Variants in CFAP44 observed in about 807,000 individuals in gnomAD.
CFAP44 encodes cilia and flagella associated protein 44.
A neutral mutation model predicts 216.2 loss-of-function variants in CFAP44; 134 were observed. That is an observed-to-expected ratio of 0.62 (90% CI 0.54 to 0.72). The LOEUF (loss-of-function observed/expected upper bound fraction) is 0.72. Ranked by LOEUF, CFAP44 falls within the 30% of genes least tolerant of loss-of-function variation. The pLI is 0.00. For missense variants in CFAP44, 2,035 were observed against 2,182.1 expected (o/e 0.93, Z 1.34); for synonymous variants, 700 against 727.6 (o/e 0.96, Z 0.61).
intron 33 of CFAP44, 69 bp from the exon 34 acceptor site, chr3:113,294,890 A>G: frequency 6.9e-7 from 1 of 1,446,532 alleles, no homozygotes; most frequent in South Asian, 1.5e-5. Context: ...ATGAGTGTCC[A>G]GATTTGGTCA....
chr3:113,359,952 C>T (rs1249900445), intron 21 of CFAP44, among the ~76,000 whole-genome samples: 1 of 151,990 alleles, frequency 6.6e-6, no homozygotes, highest in East Asian at 1.9e-4. Context: ...TTCAACAGAT[C>T]TGATAAATTA....
At chr3:113,426,032 G>C in intron 4 of CFAP44, 92 bp downstream of exon 4, 1 of 1,445,944 alleles carries the variant, frequency 6.9e-7, no homozygotes, top group Non-Finnish European at 9.4e-7. Context: ...CAGGTGGGAA[G>C]GCACATTTGG....
At chr3:113,372,125 C>CAT (rs1340229912) in intron 18 of CFAP44, among the ~76,000 whole-genome samples, 3 of 152,118 alleles carry the variant, frequency 2.0e-5, no homozygotes, top group African/African-American at 7.2e-5. Context: ...TTTTACACTG[C>CAT]TGGTGGGAAT....
chr3:113,306,372 T>C (rs192811375), intron 29 of CFAP44, 41 bp from the exon 30 acceptor site: 62 of 1,523,546 alleles, frequency 4.1e-5, no homozygotes, highest in Middle Eastern at 3.4e-4. Flanking sequence ...TCATTTGTTA[T>C]GGAATGTGGT....
In CFAP44 at chr3:113,430,804, A is replaced by G. The variant is rs528540540; in HGVS notation, c.100+2761T>C. On this transcript the variant is annotated intron_variant, in intron 2 of 34. Coordinates refer to ENST00000393845, the MANE Select transcript of CFAP44 (RefSeq NM_001164496.2). The stretch of plus-strand genomic sequence containing the variant: ...AGAAATAATACCAATTCTACACAAA[A>G]TATTTTTGAAAATAGAAAAGAACAA... 1.6e-4 allele frequency among the ~76,000 whole-genome samples: 24 copies of G among 152,292 alleles called. No homozygotes were observed. In the East Asian group the frequency reaches 2.9e-3, roughly 18 times the overall value.
intron 24 of CFAP44, among the ~76,000 whole-genome samples, chr3:113,335,382 C>G (rs1207331890): frequency 1.3e-5 from 2 of 152,144 alleles, no homozygotes; most frequent in Non-Finnish European, 2.9e-5. Context: ...GATCAGAGTA[C>G]AGGGAGGCCA....
At chr3:113,441,053 T>C (rs1279834439) in intron 1 of CFAP44, among the ~76,000 whole-genome samples, 1 of 152,230 alleles carries the variant, frequency 6.6e-6, no homozygotes, top group Non-Finnish European at 1.5e-5. Flanking sequence ...CCTTTCTTTC[T>C]GGAGATGAGG....
intron 15 of CFAP44, among the ~76,000 whole-genome samples, chr3:113,383,550 T>C (rs1052603564): frequency 4.6e-5 from 7 of 152,064 alleles, no homozygotes; most frequent in Non-Finnish European, 1.0e-4. Flanking sequence ...CATAGTATTA[T>C]TGAAATAAAG....
At position 113,381,503 on chromosome 3, in the gene CFAP44, T is replaced by G. The variant is rs138938038; in HGVS notation, c.1891-443A>C. Among the ~76,000 whole-genome samples the G allele has an allele frequency of 1.9e-3, 289 of 152,312 alleles. 2 individuals carry two copies. Among genetic ancestry groups the G allele is most frequent in the African/African-American group, 5.7e-3 (236 of 41,564 alleles). On this transcript the variant is annotated intron_variant, in intron 15 of 34. Coordinates refer to ENST00000393845, the MANE Select transcript of CFAP44 (RefSeq NM_001164496.2). ...GGCTCATCCTCTATCTGTCTCAGTT[T>G]AACAAACGTGGATGTTCCCAAGGTT...
Position 113,396,543 on chromosome 3 carries a change from C to A in CFAP44, c.1754G>T (p.Arg585Leu). The A allele has an allele frequency of 6.2e-7, 1 of 1,614,090 alleles. No individual in the cohort carries two copies. Among genetic ancestry groups the A allele is most frequent in the African/African-American group, 1.3e-5 (1 of 75,046 alleles). Reference protein sequence around the residue: ...TACVTALAYERDGEILATGSK... With the variant: ...TACVTALAYELDGEILATGSK... ...CCCTGTGGCTAGAATTTCCCCATCA[C>A]GTTCATAAGCTAAAGCAGTGACACA... Residue 585 changes from arginine (R) to leucine (L), a missense_variant, in exon 14 of 35, where the codon CGT becomes CTT. Physicochemically the swap from Arg to Leu is moderately radical, Grantham distance 102. This residue lies in a region of CFAP44 where 1,883 missense variants were observed against 2,023.7 expected (regional missense o/e 0.93). Transcript: ENST00000393845.
chr3:113,434,878 C>T (rs542305499), intron 1 of CFAP44: 4 of 152,270 alleles, frequency 2.6e-5, no homozygotes, highest in East Asian at 1.9e-4. Context: ...GACTGGTATG[C>T]CTAAAGCAGA....
At chr3:113,372,883 C>T (rs1430983012) in intron 18 of CFAP44, among the ~76,000 whole-genome samples, 1 of 152,184 alleles carries the variant, frequency 6.6e-6, no homozygotes, top group Non-Finnish European at 1.5e-5. Flanking sequence ...GATCTTGGAA[C>T]TCTAGCCTCC....
Position 113,403,839 on chromosome 3 carries a change from C to T in CFAP44, c.1170+13G>A, listed in dbSNP as rs1486132741. On this transcript the variant is annotated intron_variant, in intron 9 of 34. Coordinates refer to ENST00000393845, the MANE Select transcript of CFAP44 (RefSeq NM_001164496.2). ...AACGTGGGTGCTACCATCCAAGTAT[C>T]GAGAAAACTTACCCTAACATATCCA... The T allele has an allele frequency of 3.1e-6, 5 of 1,608,608 alleles. No homozygotes were observed. Among genetic ancestry groups the T allele is most frequent in the South Asian group, 1.1e-5 (1 of 90,146 alleles).
At chr3:113,336,161 A>C (rs942424426) in intron 24 of CFAP44, among the ~76,000 whole-genome samples, 1 of 152,164 alleles carries the variant, frequency 6.6e-6, no homozygotes, top group African/African-American at 2.4e-5. Flanking sequence ...ATTAAGAAGC[A>C]AGAAACTAAA....
chr3:113,293,423 A>G (rs936393591), intron 34 of CFAP44, among the ~76,000 whole-genome samples: 1 of 148,302 alleles, frequency 6.7e-6, no homozygotes, highest in Non-Finnish European at 1.5e-5. Flanking sequence ...TCTGAGCTTT[A>G]GAAAGTACTG....
At position 113,379,489 on chromosome 3, in the gene CFAP44, T is replaced by C. The variant is rs1473006843; in HGVS notation, c.2115A>G (p.Glu705=). The change falls in exon 17 of 35, where the codon GAA becomes GAG. Residue 705 remains glutamate (E), a synonymous_variant. Transcript: ENST00000393845. ...QRELKEKIRE[E]RRNKLAAEMG... Reference sequence around the variant, plus strand: ...TCTCTGCTGCTAGCTTGTTCCTCCTTTCTTCCCTTATTTTCTCCTTCAACT... The same window carrying C: ...TCTCTGCTGCTAGCTTGTTCCTCCTCTCTTCCCTTATTTTCTCCTTCAACT... The C allele has an allele frequency of 6.2e-7, 1 of 1,608,814 alleles. No individual in the cohort carries two copies. The highest frequency in any genetic ancestry group is 8.5e-7 in the Non-Finnish European group (1 of 1,175,462).
At position 113,344,708 on chromosome 3, in the gene CFAP44, G is replaced by A. The variant is rs921491856; in HGVS notation, c.3070C>T (p.Arg1024Ter). The A allele has an allele frequency of 7.4e-6, 11 of 1,489,516 alleles. No individual in the cohort carries two copies. Among genetic ancestry groups the A allele is most frequent in the African/African-American group, 4.3e-5 (3 of 70,226 alleles). The allele number at this position is 1,489,516 out of a possible 1,614,324, so 92.3% of individuals were successfully genotyped here. Residue 1024 changes from arginine (R) to a stop codon, truncating the protein, a stop_gained, in exon 23 of 35, where the codon CGA becomes TGA. Transcript: ENST00000393845. LOFTEE classifies it high-confidence loss of function. Reference protein sequence around the residue: ...LGLMKLKNRFRDPLESDTIVV... With the variant: ...LGLMKLKNRF ...ATAGTATCACTTTCCAGTGGATCTC[G>A]AAATCTGAAAAAATAAAACAAGTAT... is the stretch of plus-strand genomic sequence containing the variant.
chr3:113,292,526 C>T (rs763871752), intron 34 of CFAP44, among the ~76,000 whole-genome samples: 40 of 152,214 alleles, frequency 2.6e-4, no homozygotes, highest in Non-Finnish European at 5.0e-4. Flanking sequence ...ATAATACTTG[C>T]GTGGTGCCCA....
intron 22 of CFAP44, among the ~76,000 whole-genome samples, chr3:113,352,976 G>T (rs1203831291): frequency 6.6e-6 from 1 of 152,142 alleles, no homozygotes; most frequent in African/African-American, 2.4e-5. Context: ...ATGATGCTAT[G>T]GTGGATGGAG....
Sources: gnomAD v4.1 joint callset for allele counts (sites outside exome capture counted in the v4.1 genomes callset) on GRCh38, gnomAD v4.1.1 for gene constraint, gnomAD v4.1.1 regional missense constraint, MANE v1.5 for transcripts, NCBI Gene and HGNC (gene_info 2026-07-23, HGNC 2026-07-21) for gene names.